ACOT7: variants seen among roughly 807,000 people sequenced by gnomAD.
The protein encoded by ACOT7 is acyl-CoA thioesterase 7, also known as cytosolic acyl coenzyme A thioester hydrolase.
In ACOT7, 12 loss-of-function variants were observed where a neutral mutation model predicts 40.2. That is an observed-to-expected ratio of 0.30 (90% CI 0.19 to 0.48). ACOT7 has a LOEUF of 0.48. Among genes scored for constraint, ACOT7 ranks in the 20% least tolerant of loss-of-function variants. The probability of loss-of-function intolerance (pLI) is 0.99; values close to 1 mark genes in which losing one functional copy is unlikely to be tolerated. For synonymous variants in ACOT7, 228 were observed against 219.5 expected, an observed-to-expected ratio of 1.04 and a Z score of -0.34; for missense variants, 395 against 530.8, an observed-to-expected ratio of 0.74 and a Z score of 2.51.
chr1:6,276,461 G>A (rs1337747516), intron 8 of ACOT7, among the ~76,000 whole-genome samples: 1 of 151,968 alleles, frequency 6.6e-6, no homozygotes, highest in Non-Finnish European at 1.5e-5. Flanking sequence ...GCCCGGAGCG[G>A]GTGCGGCAGC....
chr1:6,304,412 T>TA (rs1317737123), intron 6 of ACOT7, among the ~76,000 whole-genome samples: 3 of 147,798 alleles, frequency 2.0e-5, no homozygotes, highest in African/African-American at 5.0e-5. Flanking sequence ...TTTTTTTTTT[T>TA]AATTGATAAT....
At chr1:6,392,915 C>T (rs1464983850) in intron 1 of ACOT7, among the ~76,000 whole-genome samples, 2 of 152,002 alleles carry the variant, frequency 1.3e-5, no homozygotes, top group Non-Finnish European at 2.9e-5. Context: ...GGCGGGGCGG[C>T]CCACGGGCGC....
intron 8 of ACOT7, among the ~76,000 whole-genome samples, chr1:6,266,546 C>G (rs985895205): frequency 6.6e-6 from 1 of 152,262 alleles, no homozygotes; most frequent in Non-Finnish European, 1.5e-5. Context: ...CGCTGTGGCC[C>G]GCGGACCACA....
In ACOT7 at chr1:6,338,246, A is replaced by G. The variant is rs1373216629; in HGVS notation, c.418+1187T>C. Among the ~76,000 whole-genome samples the G allele has an allele frequency of 1.3e-5, 2 of 152,190 alleles. No homozygotes were observed. Among genetic ancestry groups the G allele is most frequent in the Non-Finnish European group, 2.9e-5 (2 of 68,014 alleles). On this transcript the variant is annotated intron_variant, in intron 3 of 8. Coordinates refer to ENST00000361521, the MANE Select transcript of ACOT7 (RefSeq NM_007274.4). This position sits in a 1 kb window ranked among gnomAD's most constrained non-coding sequence, Gnocchi z 4.4. ...ATCCCTCCTCTCCAGGAAGGGGCCAAGGCTCCACCCCCAGCACAGTCGGAG... is the reference window on the plus strand; with the variant it reads ...ATCCCTCCTCTCCAGGAAGGGGCCAGGGCTCCACCCCCAGCACAGTCGGAG...
chr1:6,280,026 T>C (rs1296985599), intron 8 of ACOT7, among the ~76,000 whole-genome samples: 1 of 152,216 alleles, frequency 6.6e-6, no homozygotes. Flanking sequence ...CAGCAAATGC[T>C]TGCGGATCTG....
chr1:6,354,656 C>T (rs544210870), intron 1 of ACOT7, among the ~76,000 whole-genome samples: 2 of 144,392 alleles, frequency 1.4e-5, no homozygotes, highest in African/African-American at 2.6e-5. Flanking sequence ...GGCCTCTCAC[C>T]CCCCGTGGCC....
chr1:6,334,851 T>C (rs997144396), intron 3 of ACOT7, among the ~76,000 whole-genome samples: 2 of 152,220 alleles, frequency 1.3e-5, no homozygotes, highest in African/African-American at 2.4e-5. Context: ...CATACTCCCA[T>C]GTCCCAGTCA....
Position 6,294,916 on chromosome 1 carries a change from G to A in ACOT7, c.777C>T (p.Asn259=). 1 of 1,614,158 alleles carries A rather than the reference G, an allele frequency of 6.2e-7. No homozygotes were observed. Among genetic ancestry groups the A allele is most frequent in the Non-Finnish European group, 8.5e-7 (1 of 1,180,030 alleles). Residue 259 remains asparagine (N), a synonymous_variant, in exon 7 of 9, where the codon AAC becomes AAT. Transcript: ENST00000361521. The surrounding 1 kb of genome is among the most constrained non-coding windows in gnomAD (Gnocchi z 4.6). ...TGGCGTCCACGGAAGCTGTGACGAT[G>A]TTGGTCTTGCAGTGGCGTGCAGCCA... ...GIVAARHCKT[N]IVTASVDAIN...
At chr1:6,317,877 G>A (rs2006009) in intron 6 of ACOT7, among the ~76,000 whole-genome samples, 10,611 of 151,556 alleles carry the variant, frequency 0.07, 875 homozygotes, top group African/African-American at 0.2. Flanking sequence ...GACTACAGGC[G>A]CCTGCCACCA....
At chr1:6,291,718 C>T (rs549282576) in intron 7 of ACOT7, among the ~76,000 whole-genome samples, 5 of 152,238 alleles carry the variant, frequency 3.3e-5, no homozygotes, top group East Asian at 1.9e-4. Flanking sequence ...ATGGTATGGT[C>T]GAAGTGAGAG....
At chr1:6,315,595 C>A (rs960533529) in intron 6 of ACOT7, among the ~76,000 whole-genome samples, 1 of 151,610 alleles carries the variant, frequency 6.6e-6, no homozygotes, top group African/African-American at 2.4e-5. Flanking sequence ...ACTAAAAATA[C>A]AAAAAATTAT....
At chr1:6,351,549 C>G (rs950903985) in intron 1 of ACOT7, among the ~76,000 whole-genome samples, 2 of 152,248 alleles carry the variant, frequency 1.3e-5, no homozygotes, top group Non-Finnish European at 2.9e-5. Flanking sequence ...GCACCAGCTG[C>G]AGCGGGCAGA....
At position 6,274,594 on chromosome 1, in the gene ACOT7, A is replaced by T. The variant is rs1639136079; in HGVS notation, c.1014+6508T>A. On this transcript the variant is annotated intron_variant, in intron 8 of 8. Coordinates refer to ENST00000361521, the MANE Select transcript of ACOT7 (RefSeq NM_007274.4). The surrounding 1 kb of genome is among the most constrained non-coding windows in gnomAD (Gnocchi z 5.9). ...CAGCAGCAGAAGCGAGGTGGGCACC[A>T]TGTTCCAGAGCCTTCTGAAAGTTGT... Among the ~76,000 whole-genome samples, 1 of 152,226 alleles carries T rather than the reference A, an allele frequency of 6.6e-6. No homozygotes were observed. Among genetic ancestry groups the T allele is most frequent in the Admixed American group, 6.5e-5 (1 of 15,292 alleles).
In ACOT7 at chr1:6,393,374, G is replaced by A. The variant is rs763346158; in HGVS notation, c.26C>T (p.Ser9Phe). The A allele has an allele frequency of 4.0e-5, 49 of 1,234,620 alleles. No homozygotes were observed. Among genetic ancestry groups the A allele is most frequent in the African/African-American group, 3.6e-4 (23 of 64,206 alleles). The allele number at this position is 1,234,620 out of a possible 1,614,324, so 76.5% of individuals were successfully genotyped here. Reference protein sequence around the residue: MARPGLIHSAPGLPDTCAL... With the variant: MARPGLIHFAPGLPDTCAL... ...GCAGGTGTCTGGCAGGCCCGGCGCG[G>A]AATGAATGAGCCCGGGCCGCGCCAT... The change falls in exon 1 of 9, where the codon TCC becomes TTC. Residue 9 changes from serine to phenylalanine, a missense_variant. Physicochemically the swap from Ser to Phe is radical, Grantham distance 155. This residue lies in a region of ACOT7 where 86 missense variants were observed against 60.5 expected (regional missense o/e 1.42). Transcript: ENST00000361521.
In ACOT7 at chr1:6,278,115, G is replaced by C. The variant is rs879547393; in HGVS notation, c.1014+2987C>G. On this transcript the variant is annotated intron_variant, in intron 8 of 8. Transcript: ENST00000361521. The surrounding 1 kb of genome is among the most constrained non-coding windows in gnomAD (Gnocchi z 4.1). ...GGTTGGGAGGGGGTCTGGGGTGGCGGAGGCGACGCTTCTCTAGAGCGGTTG... is the reference window on the plus strand; with the variant it reads ...GGTTGGGAGGGGGTCTGGGGTGGCGCAGGCGACGCTTCTCTAGAGCGGTTG... Among the ~76,000 whole-genome samples, 1 of 151,974 alleles carries C rather than the reference G, an allele frequency of 6.6e-6. No homozygotes were observed. The highest frequency in any genetic ancestry group is 1.5e-5 in the Non-Finnish European group (1 of 67,990).
At chr1:6,309,624 C>G (rs1055409459) in intron 6 of ACOT7, among the ~76,000 whole-genome samples, 1 of 152,128 alleles carries the variant, frequency 6.6e-6, no homozygotes, top group African/African-American at 2.4e-5. Flanking sequence ...TAAGTCCAGA[C>G]GTTACTTTTT....
rs1297905801 is a variant in ACOT7 at position 6,288,475 on chromosome 1, G to C, written c.829+6389C>G. On this transcript the variant is annotated intron_variant, in intron 7 of 8. Transcript: ENST00000361521. This position sits in a 1 kb window ranked among gnomAD's most constrained non-coding sequence, Gnocchi z 4.3. ...TGACAAGTGGCAGCCTGTCCTAGCA[G>C]ACCTGAAGTGCCAGCTGGAGGGGCT... 6.6e-6 allele frequency among the ~76,000 whole-genome samples: 1 copy of C among 152,224 alleles called. No homozygotes were observed. The highest frequency in any genetic ancestry group is 1.5e-5 in the Non-Finnish European group (1 of 68,024).
At chr1:6,375,865 G>A (rs1007088575) in intron 1 of ACOT7, among the ~76,000 whole-genome samples, 1 of 151,888 alleles carries the variant, frequency 6.6e-6, no homozygotes, top group African/African-American at 2.4e-5. Context: ...ATGAACCCGG[G>A]AGGTGGAGCT....
intron 1 of ACOT7, among the ~76,000 whole-genome samples, chr1:6,363,197 C>T (rs374747762): frequency 6.6e-6 from 1 of 152,162 alleles, no homozygotes; most frequent in Non-Finnish European, 1.5e-5. Context: ...AAGACAAGTG[C>T]GAGCCTTCTG....
Sources: gnomAD v4.1 joint callset for allele counts (sites outside exome capture counted in the v4.1 genomes callset) on GRCh38, gnomAD v4.1.1 for gene constraint, gnomAD v4.1.1 regional missense constraint, Gnocchi (gnomAD v3.1) non-coding constraint, MANE v1.5 for transcripts, NCBI Gene and HGNC (gene_info 2026-07-23, HGNC 2026-07-21) for gene names.